RRP15: variants seen among roughly 807,000 people sequenced by gnomAD.
The protein encoded by RRP15 is RRP15-like protein.
RRP15 carries 18 observed loss-of-function variants against 27.1 expected under a neutral mutation model. The observed-to-expected ratio is 0.66, with a 90% CI of 0.46 to 0.98. RRP15 has a LOEUF of 0.98. Among genes scored for constraint, RRP15 ranks in the 50% least tolerant of loss-of-function variants. The pLI is 0.00. For missense variants in RRP15, 359 were observed against 337.8 expected (o/e 1.06, Z -0.49); for synonymous variants, 107 against 109.4 (o/e 0.98, Z 0.14).
chr1:218,311,033 C>T (rs1655987241), intron 4 of RRP15, among the ~76,000 whole-genome samples: 1 of 151,566 alleles, frequency 6.6e-6, no homozygotes, highest in South Asian at 2.1e-4. Context: ...ACAGGCATGA[C>T]CCACCATGCC....
intron 2 of RRP15, among the ~76,000 whole-genome samples, chr1:218,304,549 C>T (rs148245547): frequency 3.9e-5 from 6 of 152,238 alleles, no homozygotes; most frequent in Non-Finnish European, 8.8e-5. Flanking sequence ...GAAAAATAGT[C>T]ATTGTATAAG....
At chr1:218,303,724 A>G (rs776827792) in intron 2 of RRP15, among the ~76,000 whole-genome samples, 3 of 152,224 alleles carry the variant, frequency 2.0e-5, no homozygotes, top group Non-Finnish European at 4.4e-5. Context: ...TAGAGATGAT[A>G]CTGTCTCCAT....
At position 218,304,046 on chromosome 1, in the gene RRP15, A is replaced by G. The variant is rs1655854501; in HGVS notation, c.406-982A>G. 2.0e-5 allele frequency among the ~76,000 whole-genome samples: 3 copies of G among 152,148 alleles called. No homozygotes were observed. The South Asian group carries it at 6.2e-4, about 31-fold the overall frequency. On this transcript the variant is annotated intron_variant, in intron 2 of 4. Coordinates refer to ENST00000366932, the MANE Select transcript of RRP15 (RefSeq NM_016052.4). ...TAATCTGACAGTGAATTTCATGACC[A>G]CTAAAATGAATTGTCTGGTTAGGAG...
chr1:218,295,209 A>G (rs995226556), intron 1 of RRP15, among the ~76,000 whole-genome samples: 1 of 152,200 alleles, frequency 6.6e-6, no homozygotes, highest in East Asian at 1.9e-4. Flanking sequence ...AAAGGGTAAG[A>G]TGATAGCCCC....
chr1:218,294,553 T>C (rs139912951), intron 1 of RRP15, among the ~76,000 whole-genome samples: 300 of 152,266 alleles, frequency 2.0e-3, no homozygotes, highest in Admixed American at 4.3e-3. Context: ...GGGTGAAGTA[T>C]AGGGTGAAGG....
intron 1 of RRP15, among the ~76,000 whole-genome samples, chr1:218,288,481 A>G (rs1655585144): frequency 6.6e-6 from 1 of 152,170 alleles, no homozygotes. Flanking sequence ...TGACAACTCT[A>G]TGAGATAGAT....
At chr1:218,301,268 A>C (rs577182309) in intron 1 of RRP15, 2 of 152,292 alleles carry the variant, frequency 1.3e-5, no homozygotes, top group Admixed American at 6.5e-5. Context: ...TAATTAAAAA[A>C]CACTCCAAGT....
intron 4 of RRP15, among the ~76,000 whole-genome samples, chr1:218,324,689 C>T (rs1215645303): frequency 6.6e-6 from 1 of 152,190 alleles, no homozygotes; most frequent in Non-Finnish European, 1.5e-5. Context: ...TTATCTTACA[C>T]AGTCTCTTCT....
intron 4 of RRP15, among the ~76,000 whole-genome samples, chr1:218,308,062 CTTTTTTTTTTTT>C (rs56813511): frequency 4.8e-4 from 32 of 66,928 alleles, no homozygotes; most frequent in South Asian, 4.2e-3. Flanking sequence ...TTCTTTCTTT[CTTTTTTTTTTTT>C]TTTTTTTTTT....
chr1:218,327,215 T>C (rs1219931426), intron 4 of RRP15, among the ~76,000 whole-genome samples: 1 of 152,240 alleles, frequency 6.6e-6, no homozygotes, highest in African/African-American at 2.4e-5. Flanking sequence ...ACTGCCACTT[T>C]AGCATGGGCC....
chr1:218,330,952 A>T lies in RRP15; in HGVS notation c.710A>T (p.Glu237Val). Residue 237 changes from glutamate to valine, a missense_variant, in exon 5 of 5, where the codon GAA becomes GTA. Transcript: ENST00000366932. ...TGATTCTATAATTTTCCTTAGACTGAAGTGAAATCAGAAGAAGGCCCAGGT... is the reference window on the plus strand; with the variant it reads ...TGATTCTATAATTTTCCTTAGACTGTAGTGAAATCAGAAGAAGGCCCAGGT... ...SRKKPKAKQT[E>V]VKSEEGPGWT... 1 of 1,610,756 alleles carries T rather than the reference A, an allele frequency of 6.2e-7. No homozygotes were observed. Among genetic ancestry groups the T allele is most frequent in the Non-Finnish European group, 8.5e-7 (1 of 1,177,862 alleles).
chr1:218,337,228 A>G lies in RRP15; in HGVS notation c.*6137A>G, dbSNP rs937710802. 3 of 152,146 alleles carry G rather than the reference A, an allele frequency of 2.0e-5. No individual in the cohort carries two copies. Among genetic ancestry groups the G allele is most frequent in the Non-Finnish European group, 4.4e-5 (3 of 68,022 alleles). The allele number at this position is 152,146 out of a possible 1,614,324, so 9.4% of individuals were successfully genotyped here. On this transcript the variant is annotated 3_prime_UTR_variant, in exon 5 of 5. Coordinates refer to ENST00000366932, the MANE Select transcript of RRP15 (RefSeq NM_016052.4). ...GTGCTGCACCTATAGGTTTCCATTC[A>G]TTTCTCATCTATGTAATTCTGAGTC...
At chr1:218,296,521 C>A (rs1259433592) in intron 1 of RRP15, among the ~76,000 whole-genome samples, 1 of 151,738 alleles carries the variant, frequency 6.6e-6, no homozygotes, top group Non-Finnish European at 1.5e-5. Context: ...TGGTGTGTGC[C>A]TATAGTCCCA....
intron 4 of RRP15, among the ~76,000 whole-genome samples, chr1:218,315,628 T>G (rs1656078557): frequency 6.6e-6 from 1 of 151,356 alleles, no homozygotes; most frequent in Non-Finnish European, 1.5e-5. Flanking sequence ...TTTTTTTGTA[T>G]TTTTAGTAGA....
At chr1:218,324,441 GAC>G (rs1656239952) in intron 4 of RRP15, among the ~76,000 whole-genome samples, 1 of 152,208 alleles carries the variant, frequency 6.6e-6, no homozygotes, top group South Asian at 2.1e-4. Context: ...GCGTGGGTGT[GAC>G]ACAATTATCT....
intron 4 of RRP15, among the ~76,000 whole-genome samples, 181 bp downstream of exon 4, chr1:218,307,813 C>G (rs1244109691): frequency 1.3e-5 from 2 of 152,074 alleles, no homozygotes; most frequent in Non-Finnish European, 2.9e-5. Context: ...GAAATCCTGC[C>G]ATTTTGCACA....
At chr1:218,308,320 C>T (rs1031211234) in intron 4 of RRP15, among the ~76,000 whole-genome samples, 2 of 151,856 alleles carry the variant, frequency 1.3e-5, no homozygotes, top group African/African-American at 2.4e-5. Flanking sequence ...GATCCACTCG[C>T]CTCGGCCTTC....
chr1:218,320,037 T>C lies in RRP15; in HGVS notation c.706-10911T>C, dbSNP rs1323106595. On this transcript the variant is annotated intron_variant, in intron 4 of 4. Transcript: ENST00000366932. ...CTTAGGTTTTTTTTTTTTTTTACTA[T>C]GTTTTATTTCTTTTTTTTTCTTTTA... is the stretch of plus-strand genomic sequence containing the variant. 4.1e-5 allele frequency among the ~76,000 whole-genome samples: 6 copies of C among 144,968 alleles called. No homozygotes were observed. In the East Asian group the frequency reaches 9.8e-4, roughly 24 times the overall value.
chr1:218,300,496 A>C (rs949594748), intron 1 of RRP15, among the ~76,000 whole-genome samples: 1 of 152,182 alleles, frequency 6.6e-6, no homozygotes, highest in African/African-American at 2.4e-5. Context: ...CCCAAATTGC[A>C]AGTATTGTAA....
Sources: gnomAD v4.1 joint callset for allele counts (sites outside exome capture counted in the v4.1 genomes callset) on GRCh38, gnomAD v4.1.1 for gene constraint, MANE v1.5 for transcripts, NCBI Gene and HGNC (gene_info 2026-07-23, HGNC 2026-07-21) for gene names.